Variants in APC observed in about 807,000 individuals in gnomAD.
The protein encoded by APC is APC regulator of Wnt signaling pathway, also known as adenomatous polyposis coli protein.
A neutral mutation model predicts 247.0 loss-of-function variants in APC; 72 were observed. The ratio of observed to expected loss-of-function variants is 0.29; its 90% CI spans 0.24 to 0.35. APC has a LOEUF of 0.35. Ranked by LOEUF, APC falls within the 10% of genes least tolerant of loss-of-function variation. The pLI, the probability that APC is intolerant of heterozygous loss-of-function variation, is 1.00. For missense variants in APC, 3,400 were observed against 3,360.7 expected (o/e 1.01, Z -0.29); for synonymous variants, 1,254 against 1,162.5 (o/e 1.08, Z -1.60).
chr5:112,836,281 T>C (rs753798380), intron 15 of APC, among the ~76,000 whole-genome samples: 2 of 150,250 alleles, frequency 1.3e-5, no homozygotes, highest in Non-Finnish European at 3.0e-5. Context: ...TCCGCCCACC[T>C]CGGCCTCCCA....
intron 1 of APC, among the ~76,000 whole-genome samples, chr5:112,708,789 C>G (rs916971741): frequency 3.9e-5 from 6 of 152,300 alleles, no homozygotes; most frequent in East Asian, 3.9e-4. Context: ...TGTTACTGTT[C>G]AACCCTCCTT....
At chr5:112,729,322 CA>C (rs1358710628) in intron 1 of APC, among the ~76,000 whole-genome samples, 1 of 152,180 alleles carries the variant, frequency 6.6e-6, no homozygotes, top group Non-Finnish European at 1.5e-5. Flanking sequence ...TTTCAGATCT[CA>C]AATGCTTAGA....
chr5:112,720,870 A>C (rs532119502), intron 1 of APC, among the ~76,000 whole-genome samples: 1 of 152,306 alleles, frequency 6.6e-6, no homozygotes, highest in African/African-American at 2.4e-5. Context: ...TAAAAGTGGA[A>C]TGGAATTGTT....
At chr5:112,707,506 G>C, upstream of APC, 1 of 454,168 alleles carries the variant, frequency 2.2e-6, no homozygotes, top group Non-Finnish European at 4.1e-6. Flanking sequence ...GCGCATTGTA[G>C]TCTTCCCACC....
In APC at chr5:112,786,441, G is replaced by A. The variant is rs527874948; in HGVS notation, c.645+5538G>A. 2.0e-5 allele frequency among the ~76,000 whole-genome samples: 3 copies of A among 152,242 alleles called. No individual in the cohort carries two copies. In the South Asian group the frequency reaches 6.2e-4, roughly 32 times the overall value. On this transcript the variant is annotated intron_variant, in intron 6 of 15. Coordinates refer to ENST00000257430, the MANE Select transcript of APC (RefSeq NM_000038.6). ...CATGGTTATTTATTTACTCTTACTTGTTCAGTGTGTATTTGGTCACCTAGT... is the reference window on the plus strand; with the variant it reads ...CATGGTTATTTATTTACTCTTACTTATTCAGTGTGTATTTGGTCACCTAGT...
chr5:112,829,725 C>T (rs1395411746), intron 14 of APC: 1 of 152,238 alleles, frequency 6.6e-6, no homozygotes, highest in Non-Finnish European at 1.5e-5. Context: ...TGTCAGATGT[C>T]TGTGGGAGGG....
chr5:112,839,479 AGCAGATTCT>A lies in APC; in HGVS notation c.3888_3896del (p.Asp1297_Ala1299del). 6.2e-7 allele frequency: 1 copy of A among 1,614,232 alleles called. No homozygotes were observed. ...TAGGATGTAATCAGACGACACAGGA[AGCAGATTCT>A]GCTAATACCCTGCAAATAGCAGAAA... On this transcript the variant is annotated inframe_deletion, in exon 16 of 16. Coordinates refer to ENST00000257430, the MANE Select transcript of APC (RefSeq NM_000038.6). The surrounding 1 kb of genome is among the most constrained non-coding windows in gnomAD (Gnocchi z 5.0).
At chr5:112,837,491 T>C in intron 15 of APC, 62 bp from the exon 16 acceptor site, 1 of 1,249,484 alleles carries the variant, frequency 8.0e-7, no homozygotes, top group Non-Finnish European at 1.2e-6. Context: ...TCTATCCTTT[T>C]ATTTGTTGTT....
At chr5:112,737,743 GGAAGCGGAGAGA>G (rs1409286718), upstream of APC, 6 of 749,216 alleles carry the variant, frequency 8.0e-6, no homozygotes, top group African/African-American at 1.9e-5. Flanking sequence ...GTGCGGGTCG[GGAAGCGGAGAGA>G]GAAGCAGCTG....
intron 12 of APC, 36 bp downstream of exon 12, chr5:112,827,283 C>G (rs992841086): frequency 6.2e-7 from 1 of 1,609,496 alleles, no homozygotes; most frequent in Non-Finnish European, 8.5e-7. Context: ...TAAGATAGCT[C>G]AGGTATGAGT....
intron 4 of APC, among the ~76,000 whole-genome samples, chr5:112,770,063 GC>G (rs1756862980): frequency 1.3e-5 from 2 of 152,068 alleles, no homozygotes; most frequent in South Asian, 4.1e-4. Context: ...TCCTTACTTT[GC>G]TTTATGTAGG....
At chr5:112,767,004 C>G (rs994818127) in intron 3 of APC, among the ~76,000 whole-genome samples, 185 bp from the exon 4 acceptor site, 1 of 152,168 alleles carries the variant, frequency 6.6e-6, no homozygotes, top group African/African-American at 2.4e-5. Context: ...TTAACACACT[C>G]CTTATTTTTA....
At position 112,809,681 on chromosome 5, in the gene APC, G is replaced by C. The variant is rs540533515; in HGVS notation, c.835-5814G>C. ...CTTTCCTACTATATTATATTGGAGT[G>C]AGTTGAAGTTAAATGGAAGGTTAAA... On this transcript the variant is annotated intron_variant, in intron 8 of 15. Transcript: ENST00000257430. Among the ~76,000 whole-genome samples the C allele has an allele frequency of 2.9e-4, 44 of 152,060 alleles. 1 individual carries two copies. Among genetic ancestry groups the C allele is most frequent in the African/African-American group, 9.6e-4 (40 of 41,492 alleles).
intron 8 of APC, among the ~76,000 whole-genome samples, chr5:112,809,197 CAA>C (rs542569641): frequency 7.1e-5 from 9 of 126,210 alleles, no homozygotes; most frequent in Non-Finnish European, 8.7e-5. Context: ...ACAAAAAATA[CAA>C]AAAAAAAAAA....
intron 7 of APC, among the ~76,000 whole-genome samples, chr5:112,793,713 C>G (rs921588172): frequency 5.3e-5 from 8 of 152,064 alleles, no homozygotes; most frequent in Admixed American, 3.9e-4. Context: ...AATGGAGAAA[C>G]TGGAGACAGG....
rs755806668 is a variant in APC, at chr5:112,838,250, C to G, written c.2656C>G (p.Gln886Glu). Residue 886 changes from glutamine (Q) to glutamate (E), a missense_variant, in exon 16 of 16, where the codon CAG becomes GAG. Coordinates refer to ENST00000257430, the MANE Select transcript of APC (RefSeq NM_000038.6). Reference protein sequence around the residue: ...RGLQISTTAAQIAKVMEEVSA... With the variant: ...RGLQISTTAAEIAKVMEEVSA... ...TTTGCAGATCTCCACCACTGCAGCC[C>G]AGATTGCCAAAGTCATGGAAGAAGT... The G allele has an allele frequency of 1.2e-6, 2 of 1,614,156 alleles. No individual in the cohort carries two copies. The highest frequency in any genetic ancestry group is 1.7e-6 in the Non-Finnish European group (2 of 1,180,042).
intron 6 of APC, among the ~76,000 whole-genome samples, chr5:112,787,248 G>T (rs1185404488): frequency 6.6e-6 from 1 of 152,186 alleles, no homozygotes; most frequent in Non-Finnish European, 1.5e-5. Context: ...AATGGGCATG[G>T]CTGTGTTTCA....
In APC at chr5:112,758,412, C is replaced by T. The variant is rs141069291; in HGVS notation, c.135+3387C>T. Among the ~76,000 whole-genome samples the T allele has an allele frequency of 7.9e-3, 1,206 of 152,278 alleles. 40 individuals carry two copies. Among genetic ancestry groups the T allele is most frequent in the Admixed American group, 0.059 (905 of 15,296 alleles). On this transcript the variant is annotated intron_variant, in intron 2 of 15. Transcript: ENST00000257430. ...GGCAATCTCGGCTTGCTGCAGCCTC[C>T]GCCTCCCGGGTTCAAGCGGTTCTCC...
rs775904333 is a variant in APC, at chr5:112,715,707, C to T, written c.165+7825C>T. ...ATGGGGTACATGTTATATTTTGATA[C>T]GTGTATAAAATGTGTAATGATCAAG... is the stretch of plus-strand genomic sequence containing the variant. On this transcript the variant is annotated intron_variant, in intron 1 of 13. Coordinates refer to the APC transcript ENST00000507379. 2.6e-5 allele frequency among the ~76,000 whole-genome samples: 4 copies of T among 151,974 alleles called. No individual in the cohort carries two copies. The East Asian group carries it at 5.8e-4, about 22-fold the overall frequency.
Sources: allele counts gnomAD v4.1 joint callset (sites outside exome capture counted in the v4.1 genomes callset), GRCh38; gene constraint gnomAD v4.1.1; non-coding constraint Gnocchi (gnomAD v3.1); transcripts MANE v1.5; gene names NCBI Gene and HGNC (gene_info 2026-07-23, HGNC 2026-07-21).